ARHGEF3: variants seen among roughly 807,000 people sequenced by gnomAD.
ARHGEF3 encodes the protein 59.8 kDA protein.
A neutral mutation model predicts 63.2 loss-of-function variants in ARHGEF3; 28 were observed. The ratio of observed to expected loss-of-function variants is 0.44; its 90% CI spans 0.33 to 0.61. ARHGEF3 has a LOEUF of 0.61. Among genes scored for constraint, ARHGEF3 ranks in the 20% least tolerant of loss-of-function variants. The pLI is 0.03. For synonymous variants in ARHGEF3, 266 were observed against 254.2 expected, an observed-to-expected ratio of 1.05 and a Z score of -0.44; for missense variants, 533 against 659.3, an observed-to-expected ratio of 0.81 and a Z score of 2.10.
intron 1 of ARHGEF3, among the ~76,000 whole-genome samples, chr3:57,042,695 TATA>T (rs1337402301): frequency 0.022 from 628 of 28,310 alleles, 10 homozygotes; most frequent in Non-Finnish European, 0.031. Context: ...TATATATATA[TATA>T]TATTTTTTTT....
intron 2 of ARHGEF3, chr3:57,007,090 A>G: frequency 3.6e-6 from 4 of 1,098,884 alleles, no homozygotes; most frequent in Non-Finnish European, 4.7e-6. Context: ...TGTGCTCAGC[A>G]TGTGAAACCC....
intron 3 of ARHGEF3, among the ~76,000 whole-genome samples, chr3:56,887,967 T>C (rs1024894777): frequency 1.3e-5 from 2 of 152,182 alleles, no homozygotes; most frequent in Non-Finnish European, 2.9e-5. Flanking sequence ...AACCACCTGG[T>C]GGCAAAAGGG....
intron 1 of ARHGEF3, among the ~76,000 whole-genome samples, chr3:57,069,586 T>C (rs773641930): frequency 1.9e-4 from 29 of 152,238 alleles, no homozygotes; most frequent in Non-Finnish European, 3.5e-4. Flanking sequence ...AAATCATGTA[T>C]TTGTGCTGTG....
intron 3 of ARHGEF3, among the ~76,000 whole-genome samples, chr3:56,906,602 G>A (rs796384422): frequency 3.3e-5 from 5 of 152,296 alleles, no homozygotes; most frequent in African/African-American, 7.2e-5. Context: ...TCGGGAGGCC[G>A]AGGCAAGTGG....
chr3:56,857,815 C>G (rs867176550), intron 4 of ARHGEF3, among the ~76,000 whole-genome samples: 1 of 152,146 alleles, frequency 6.6e-6, no homozygotes, highest in Non-Finnish European at 1.5e-5. Context: ...TTCACAGGCA[C>G]AATCGTAGCA....
At chr3:56,819,579 G>A (rs757251159) in intron 4 of ARHGEF3, among the ~76,000 whole-genome samples, 19 of 150,152 alleles carry the variant, frequency 1.3e-4, no homozygotes, top group Admixed American at 2.0e-4. Flanking sequence ...TGGTGCAATC[G>A]TGGCTCACTG....
chr3:56,981,171 G>A (rs1411458020), intron 2 of ARHGEF3, among the ~76,000 whole-genome samples: 1 of 152,180 alleles, frequency 6.6e-6, no homozygotes. Flanking sequence ...ACAAAATTCT[G>A]GACTGAGATA....
chr3:56,932,346 T>C (rs1291693367), intron 3 of ARHGEF3, among the ~76,000 whole-genome samples: 1 of 152,156 alleles, frequency 6.6e-6, no homozygotes, highest in Non-Finnish European at 1.5e-5. Flanking sequence ...ATTATTAATA[T>C]TTCAGCGTAT....
intron 2 of ARHGEF3, among the ~76,000 whole-genome samples, chr3:57,013,024 G>T (rs1334100447): frequency 1.3e-5 from 2 of 152,216 alleles, no homozygotes; most frequent in Non-Finnish European, 2.9e-5. Context: ...GCTGCGGAGG[G>T]TGCACCGGAT....
At chr3:56,983,266 TAA>T (rs1212126096) in intron 2 of ARHGEF3, among the ~76,000 whole-genome samples, 1 of 152,144 alleles carries the variant, frequency 6.6e-6, no homozygotes, top group Non-Finnish European at 1.5e-5. Flanking sequence ...ATCTCATCAC[TAA>T]GGGCCCCTAT....
chr3:57,050,210 C>A (rs961223244), intron 1 of ARHGEF3, among the ~76,000 whole-genome samples: 1 of 152,236 alleles, frequency 6.6e-6, no homozygotes, highest in Non-Finnish European at 1.5e-5. Context: ...AAAATACAAG[C>A]CCAATCGGCC....
intron 4 of ARHGEF3, among the ~76,000 whole-genome samples, chr3:56,842,157 C>A (rs1366517379): frequency 6.6e-6 from 1 of 152,158 alleles, no homozygotes; most frequent in Admixed American, 6.5e-5. Context: ...TCCCCAACGC[C>A]CAGGCTAATC....
chr3:56,934,392 C>G (rs2042493720), intron 3 of ARHGEF3, among the ~76,000 whole-genome samples: 1 of 152,264 alleles, frequency 6.6e-6, no homozygotes, highest in Non-Finnish European at 1.5e-5. Context: ...CAGCCCACCA[C>G]TGCACTGTGG....
chr3:56,794,924 T>A (rs2037272912), intron 1 of ARHGEF3, among the ~76,000 whole-genome samples: 1 of 152,144 alleles, frequency 6.6e-6, no homozygotes, highest in Admixed American at 6.6e-5. Flanking sequence ...AGTGGCACAA[T>A]CTCAGCTCAT....
At chr3:57,019,740 A>C (rs917187707) in intron 2 of ARHGEF3, among the ~76,000 whole-genome samples, 1 of 152,216 alleles carries the variant, frequency 6.6e-6, no homozygotes, top group African/African-American at 2.4e-5. Context: ...TTCTAAGTTC[A>C]TTATGAAAAG....
intron 2 of ARHGEF3, among the ~76,000 whole-genome samples, chr3:57,012,013 A>C (rs1179345719): frequency 1.3e-5 from 2 of 151,976 alleles, no homozygotes; most frequent in African/African-American, 4.8e-5. Context: ...CTCATAGGAT[A>C]CTCAAGAGGG....
intron 1 of ARHGEF3, chr3:57,073,473 A>G: frequency 1.6e-6 from 1 of 613,050 alleles, no homozygotes; most frequent in South Asian, 3.4e-5. Flanking sequence ...CAGCAGAAGC[A>G]AAGATGTGAA....
intron 2 of ARHGEF3, among the ~76,000 whole-genome samples, chr3:57,025,403 G>A (rs1296671847): frequency 2.6e-5 from 4 of 152,188 alleles, no homozygotes; most frequent in Admixed American, 6.5e-5. Context: ...CAGAGATGAG[G>A]AAACTGCACT....
chr3:56,812,139 G>A (rs184742892), intron 4 of ARHGEF3, among the ~76,000 whole-genome samples: 3 of 152,264 alleles, frequency 2.0e-5, no homozygotes, highest in Non-Finnish European at 2.9e-5. Flanking sequence ...CAAAGAACAC[G>A]TCACGGAGGA....
Sources: allele counts gnomAD v4.1 joint callset (sites outside exome capture counted in the v4.1 genomes callset), GRCh38; gene constraint gnomAD v4.1.1; transcripts MANE v1.5; gene names NCBI Gene and HGNC (gene_info 2026-07-23, HGNC 2026-07-21).